MGAT4A: variants seen among roughly 807,000 people sequenced by gnomAD.
MGAT4A encodes alpha-1,3-mannosyl-glycoprotein 4-beta-N-acetylglucosaminyltransferase A.
A neutral mutation model predicts 74.1 loss-of-function variants in MGAT4A; 33 were observed. The observed-to-expected ratio is 0.45, with a 90% CI of 0.34 to 0.60. The LOEUF (loss-of-function observed/expected upper bound fraction) is 0.60, where lower values mean the gene tolerates loss of function less well. Among genes scored for constraint, MGAT4A ranks in the 20% least tolerant of loss-of-function variants. The pLI is 0.02. For missense variants in MGAT4A, 479 were observed against 628.3 expected, an observed-to-expected ratio of 0.76 and a Z score of 2.54; for synonymous variants, 198 against 210.4, an observed-to-expected ratio of 0.94 and a Z score of 0.51.
intron 2 of MGAT4A, among the ~76,000 whole-genome samples, chr2:98,683,265 A>G (rs1402861440): frequency 6.6e-6 from 1 of 152,188 alleles, no homozygotes; most frequent in African/African-American, 2.4e-5. Flanking sequence ...TTACTGGAAA[A>G]ATAACAGAAC....
intron 8 of MGAT4A, among the ~76,000 whole-genome samples, chr2:98,646,244 T>C (rs992345844): frequency 3.3e-5 from 5 of 152,064 alleles, no homozygotes; most frequent in Non-Finnish European, 7.4e-5. Flanking sequence ...TTTTTCTTGC[T>C]GAAAGTCCTA....
intron 14 of MGAT4A, among the ~76,000 whole-genome samples, chr2:98,633,038 A>G (rs111936748): frequency 0.18 from 27,749 of 152,180 alleles, 2,791 homozygotes; most frequent in African/African-American, 0.25. Flanking sequence ...GATTACAGGC[A>G]TGAGCCACTG....
chr2:98,633,202 C>G (rs904724196), intron 14 of MGAT4A, among the ~76,000 whole-genome samples: 1 of 152,202 alleles, frequency 6.6e-6, no homozygotes, highest in African/African-American at 2.4e-5. Flanking sequence ...TTGTCTGGAA[C>G]AGAGCTTCTG....
chr2:98,636,368 G>C, intron 13 of MGAT4A, 149 bp downstream of exon 13: 1 of 601,132 alleles, frequency 1.7e-6, no homozygotes, highest in East Asian at 2.8e-5. Flanking sequence ...ATATAAAAGT[G>C]CTTCATATTT....
chr2:98,663,335 G>A, intron 4 of MGAT4A, 156 bp from the exon 5 acceptor site: 3 of 1,529,264 alleles, frequency 2.0e-6, no homozygotes, highest in Non-Finnish European at 2.6e-6. Context: ...GAATACAAGG[G>A]CATACCTGTA....
intron 2 of MGAT4A, among the ~76,000 whole-genome samples, chr2:98,701,385 C>T (rs925814350): frequency 6.6e-6 from 1 of 152,190 alleles, no homozygotes; most frequent in African/African-American, 2.4e-5. Flanking sequence ...CTCACATCCC[C>T]AAAACCTGAT....
Position 98,687,224 on chromosome 2 carries a change from A to T in MGAT4A, c.95-8753T>A, listed in dbSNP as rs551471756. ...TTTTCCTATGAAGAATCCTCAAGAC[A>T]CAGCATTAGAATTCTAATGTAGTTC... On this transcript the variant is annotated intron_variant, in intron 2 of 15. Coordinates refer to ENST00000393487, the MANE Select transcript of MGAT4A (RefSeq NM_012214.3). 7.2e-5 allele frequency among the ~76,000 whole-genome samples: 11 copies of T among 152,322 alleles called. No individual in the cohort carries two copies. In the South Asian group the frequency reaches 2.3e-3, roughly 32 times the overall value.
intron 14 of MGAT4A, among the ~76,000 whole-genome samples, chr2:98,630,708 A>G (rs991316269): frequency 1.3e-5 from 2 of 152,196 alleles, no homozygotes; most frequent in African/African-American, 4.8e-5. Context: ...GTTCTTAGAG[A>G]ACATACCCAG....
At chr2:98,682,281 A>G (rs779992623) in intron 2 of MGAT4A, among the ~76,000 whole-genome samples, 2 of 151,940 alleles carry the variant, frequency 1.3e-5, no homozygotes, top group Non-Finnish European at 2.9e-5. Flanking sequence ...AATTAGCTGG[A>G]CATAGTGGCG....
chr2:98,706,054 C>G (rs1161333957), intron 2 of MGAT4A, among the ~76,000 whole-genome samples: 1 of 151,284 alleles, frequency 6.6e-6, no homozygotes, highest in Admixed American at 6.6e-5. Flanking sequence ...CCAATGCAGA[C>G]GCTGAACCGA....
chr2:98,632,722 T>TTC (rs1701259070), intron 14 of MGAT4A, among the ~76,000 whole-genome samples: 1 of 152,136 alleles, frequency 6.6e-6, no homozygotes, highest in Admixed American at 6.5e-5. Context: ...ACACCTTGCT[T>TTC]TAGGATCAGA....
At chr2:98,641,499 C>CAAAAAAAAAAAAAA (rs1205460540) in intron 10 of MGAT4A, among the ~76,000 whole-genome samples, 1 of 75,280 alleles carries the variant, frequency 1.3e-5, no homozygotes, top group African/African-American at 5.0e-5. Flanking sequence ...ACTAAAAATA[C>CAAAAAAAAAAAAAA]AAAAAAAAAA....
chr2:98,650,717 G>A (rs564979895), intron 8 of MGAT4A, among the ~76,000 whole-genome samples: 63 of 152,258 alleles, frequency 4.1e-4, no homozygotes, highest in South Asian at 1.5e-3. Flanking sequence ...TTGGGAGACC[G>A]AGGCAGGTGG....
chr2:98,663,017 T>C (rs572146291), intron 5 of MGAT4A, 29 bp downstream of exon 5: 1 of 1,428,876 alleles, frequency 7.0e-7, no homozygotes, highest in Non-Finnish European at 9.3e-7. Flanking sequence ...CTATATTTGG[T>C]AAAAACATAA....
chr2:98,625,437 A>G lies in MGAT4A; in HGVS notation c.*129T>C. 6.7e-7 allele frequency: 1 copy of G among 1,485,658 alleles called. No homozygotes were observed. Among genetic ancestry groups the G allele is most frequent in the Non-Finnish European group, 8.9e-7 (1 of 1,121,590 alleles). The allele number at this position is 1,485,658 out of a possible 1,614,324, so 92.0% of individuals were successfully genotyped here. On this transcript the variant is annotated 3_prime_UTR_variant, in exon 16 of 16. Transcript: ENST00000393487. ...TGGGAGATTCACTTTCCAAGTGGAA[A>G]TGACAATCGTCTTATCTACAGTAGA... is the stretch of plus-strand genomic sequence containing the variant.
chr2:98,667,120 A>T (rs56049047), intron 4 of MGAT4A, among the ~76,000 whole-genome samples: 122,574 of 151,918 alleles, frequency 0.81, 50,231 homozygotes, highest in African/African-American at 0.95. Flanking sequence ...TGCCATCCAC[A>T]TAAGATGTGA....
intron 2 of MGAT4A, among the ~76,000 whole-genome samples, chr2:98,682,434 A>AC (rs1221072832): frequency 7.3e-5 from 11 of 150,900 alleles, no homozygotes; most frequent in African/African-American, 2.4e-4. Flanking sequence ...AAAAAAAAAA[A>AC]AAAAAAAAAA....
At chr2:98,683,873 C>G (rs968810593) in intron 2 of MGAT4A, among the ~76,000 whole-genome samples, 1 of 152,158 alleles carries the variant, frequency 6.6e-6, no homozygotes, top group African/African-American at 2.4e-5. Context: ...GATAATGTCA[C>G]AGGTATTTAG....
At position 98,656,520 on chromosome 2, in the gene MGAT4A, T is replaced by C. The variant is rs1374025960; in HGVS notation, c.585-55A>G. 3.2e-5 allele frequency: 37 copies of C among 1,157,110 alleles called. No homozygotes were observed. In the East Asian group the frequency reaches 7.7e-4, roughly 24 times the overall value. 71.7% of individuals were successfully genotyped at this position (1,157,110 alleles called of 1,614,324 possible). A position where few individuals can be genotyped will look rare whatever the true frequency, so the allele number is the denominator to read the frequency against. On this transcript the variant is annotated intron_variant, in intron 6 of 15. Transcript: ENST00000393487. ...AAGTTCTGTGGGATTTTATTTATCT[T>C]AAAGCTCAATACACTGTGTTTAACA...
Sources: allele counts gnomAD v4.1 joint callset (sites outside exome capture counted in the v4.1 genomes callset), GRCh38; gene constraint gnomAD v4.1.1; transcripts MANE v1.5; gene names NCBI Gene and HGNC (gene_info 2026-07-23, HGNC 2026-07-21).